SETBP1: variants seen among roughly 807,000 people sequenced by gnomAD.
The protein encoded by SETBP1 is SET-binding protein.
Under a neutral mutation model 101.0 loss-of-function variants are expected in SETBP1, and 9 were observed. The observed-to-expected ratio is 0.09, with a 90% CI of 0.05 to 0.16. The LOEUF (loss-of-function observed/expected upper bound fraction) is 0.16, where lower values mean the gene tolerates loss of function less well. Ranked by LOEUF, SETBP1 falls within the 10% of genes least tolerant of loss-of-function variation. The probability of loss-of-function intolerance (pLI) is 1.00; values close to 1 mark genes in which losing one functional copy is unlikely to be tolerated. For synonymous variants in SETBP1, 818 were observed against 788.5 expected (o/e 1.04, Z -0.63); for missense variants, 1,858 against 2,033.8 (o/e 0.91, Z 1.66).
At chr18:44,826,667 G>C (rs558007050) in intron 2 of SETBP1, among the ~76,000 whole-genome samples, 1 of 152,072 alleles carries the variant, frequency 6.6e-6, no homozygotes. Flanking sequence ...TGAAGGGAGC[G>C]TTCTTGGACA....
At chr18:44,772,837 G>A (rs908115136) in intron 2 of SETBP1, among the ~76,000 whole-genome samples, 12 of 152,184 alleles carry the variant, frequency 7.9e-5, no homozygotes, top group Non-Finnish European at 1.5e-4. Flanking sequence ...CCCTGGCAGA[G>A]TGTAGACCCT....
chr18:44,889,932 G>A (rs898514047), intron 3 of SETBP1, among the ~76,000 whole-genome samples: 6 of 152,028 alleles, frequency 3.9e-5, no homozygotes, highest in African/African-American at 1.4e-4. Flanking sequence ...AATTCAGTCA[G>A]CATTTTTGTT....
chr18:44,963,889 G>A (rs2071664163), intron 4 of SETBP1, among the ~76,000 whole-genome samples: 1 of 69,264 alleles, frequency 1.4e-5, no homozygotes, highest in Admixed American at 2.5e-4. Context: ...AACAGAGCAA[G>A]ACCCCATCTC....
chr18:44,998,544 C>T lies in SETBP1; in HGVS notation c.4001-39941C>T, dbSNP rs570902665. Among the ~76,000 whole-genome samples the T allele has an allele frequency of 1.7e-4, 26 of 152,336 alleles. No homozygotes were observed. The South Asian group carries it at 5.0e-3, about 29-fold the overall frequency. On this transcript the variant is annotated intron_variant, in intron 4 of 5. Coordinates refer to ENST00000649279, the MANE Select transcript of SETBP1 (RefSeq NM_015559.3). ...TATTGGCTGTATTCACAGCTTCCAG[C>T]GCTGATCTCAACGACTGCCGTTCCT...
At chr18:45,015,250 C>G (rs185361310) in intron 4 of SETBP1, among the ~76,000 whole-genome samples, 200 of 152,322 alleles carry the variant, frequency 1.3e-3, no homozygotes, top group African/African-American at 4.6e-3. Flanking sequence ...TTTCCACTCT[C>G]TACTCTAGGG....
intron 4 of SETBP1, among the ~76,000 whole-genome samples, chr18:44,963,800 C>T (rs181001434): frequency 2.9e-4 from 41 of 142,584 alleles, no homozygotes; most frequent in Admixed American, 2.6e-3. Context: ...TGAGGTGGGA[C>T]GACTGCTTGA....
At position 45,063,300 on chromosome 18, in the gene SETBP1, G is replaced by T. The variant is rs766119511; in HGVS notation, c.4393G>T (p.Asp1465Tyr). The change falls in exon 6 of 6, where the codon GAT becomes TAT. Residue 1465 changes from aspartate (D) to tyrosine (Y), a missense_variant. Asp to Tyr is a radical substitution (Grantham distance 160). Transcript: ENST00000649279. ...GRPRKQPTQF[D>Y]EDSRDQMPVL... The stretch of plus-strand genomic sequence containing the variant: ...TCCCAGGAAGCAGCCCACCCAGTTC[G>T]ATGAGGACTCCAGAGACCAAATGCC... 2.5e-6 allele frequency: 4 copies of T among 1,606,348 alleles called. No individual in the cohort carries two copies. In the East Asian group the frequency reaches 6.8e-5, roughly 27 times the overall value.
At chr18:44,733,833 C>A (rs937061220) in intron 2 of SETBP1, among the ~76,000 whole-genome samples, 25 of 152,120 alleles carry the variant, frequency 1.6e-4, no homozygotes, top group African/African-American at 5.8e-4. Context: ...TAGCAGGTCT[C>A]CCCTTCTGTT....
At chr18:44,885,854 A>C (rs1283693030) in intron 3 of SETBP1, among the ~76,000 whole-genome samples, 2 of 41,382 alleles carry the variant, frequency 4.8e-5, no homozygotes, top group Non-Finnish European at 1.0e-4. Context: ...AAAAAAAAAA[A>C]AACAAAAAAA....
intron 2 of SETBP1, among the ~76,000 whole-genome samples, chr18:44,705,546 G>T (rs1310870559): frequency 3.3e-5 from 5 of 152,182 alleles, no homozygotes; most frequent in African/African-American, 1.2e-4. Flanking sequence ...TTTTGTTGTT[G>T]TTATTTAAGT....
chr18:44,970,636 C>T (rs888234702), intron 4 of SETBP1, among the ~76,000 whole-genome samples: 3 of 152,044 alleles, frequency 2.0e-5, no homozygotes, highest in Admixed American at 1.3e-4. Flanking sequence ...ACTGCAACCT[C>T]CACTTCCTGG....
At chr18:45,047,851 C>CAGAG (rs151021347) in intron 5 of SETBP1, among the ~76,000 whole-genome samples, 4 of 149,766 alleles carry the variant, frequency 2.7e-5, no homozygotes, top group Admixed American at 6.6e-5. Context: ...GTGACAAAGA[C>CAGAG]AGAGAGAGAG....
rs1307249820 is a variant in SETBP1 at position 44,950,697 on chromosome 18, T to C, written c.1357T>C (p.Ser453Pro). Residue 453 changes from serine (S) to proline (P), a missense_variant, in exon 4 of 6, where the codon TCC becomes CCC. Coordinates refer to ENST00000649279, the MANE Select transcript of SETBP1 (RefSeq NM_015559.3). ...MSSEVVNRIL[S>P]NSEGNKKDPR... ...CAGTGAAGTAGTTAACAGGATACTT[T>C]CCAACTCTGAGGGGAATAAGAAGGA... 8 of 1,614,030 alleles carry C rather than the reference T, an allele frequency of 5.0e-6. No individual in the cohort carries two copies. Among genetic ancestry groups the C allele is most frequent in the Non-Finnish European group, 6.8e-6 (8 of 1,180,030 alleles).
At chr18:44,869,697 T>G (rs1024351650) in intron 3 of SETBP1, 1 of 299,970 alleles carries the variant, frequency 3.3e-6, no homozygotes, top group Admixed American at 4.5e-5. Flanking sequence ...AGTCAAGGCC[T>G]GATAGCCAAG....
rs145190361 is a variant in SETBP1 at position 44,770,472 on chromosome 18, A to T, written c.486+68640A>T. Among the ~76,000 whole-genome samples the T allele has an allele frequency of 2.8e-3, 434 of 152,304 alleles. 4 individuals carry two copies. Among genetic ancestry groups the T allele is most frequent in the East Asian group, 0.022 (113 of 5,182 alleles). On this transcript the variant is annotated intron_variant, in intron 2 of 5. Transcript: ENST00000649279. Reference sequence around the variant, plus strand: ...TTTTATCTATTTTCACCTTTGATTTATCCTTTTAGTCTAGAATTTTGGTAT... The same window carrying T: ...TTTTATCTATTTTCACCTTTGATTTTTCCTTTTAGTCTAGAATTTTGGTAT...
At position 44,952,711 on chromosome 18, in the gene SETBP1, G is replaced by A. The variant is rs754226335; in HGVS notation, c.3371G>A (p.Gly1124Asp). Residue 1124 changes from glycine (G) to aspartate (D), a missense_variant, in exon 4 of 6, where the codon GGC (glycine) becomes GAC (aspartate). This residue lies in a region of SETBP1 where 417 missense variants were observed against 389.1 expected (regional missense o/e 1.07). Transcript: ENST00000649279. ...CACCTGCAGGGACCTGTTAGCATGG[G>A]CCTTGGTGACATGCAGCCTTCTCTG... is the stretch of plus-strand genomic sequence containing the variant. ...GVHLQGPVSM[G>D]LGDMQPSLNP... is the part of the protein sequence containing the mutation. The A allele has an allele frequency of 1.9e-6, 3 of 1,613,980 alleles. No individual in the cohort carries two copies. The Admixed American group carries it at 5.0e-5, about 27-fold the overall frequency.
intron 3 of SETBP1, among the ~76,000 whole-genome samples, chr18:44,918,897 A>C (rs2070511320): frequency 6.6e-6 from 1 of 152,224 alleles, no homozygotes; most frequent in Non-Finnish European, 1.5e-5. Context: ...CTTTCCCTGG[A>C]GCACTTTGCA....
intron 2 of SETBP1, among the ~76,000 whole-genome samples, chr18:44,834,014 G>A (rs1370149360): frequency 1.3e-5 from 2 of 152,188 alleles, no homozygotes; most frequent in Non-Finnish European, 1.5e-5. Flanking sequence ...TGAAAAGAAG[G>A]TTTGTGGAAG....
intron 2 of SETBP1, among the ~76,000 whole-genome samples, chr18:44,801,203 C>T (rs1029556417): frequency 6.6e-6 from 1 of 151,908 alleles, no homozygotes; most frequent in Non-Finnish European, 1.5e-5. Context: ...ATGGGTGCAG[C>T]ACACCAACAT....
Sources: allele counts gnomAD v4.1 joint callset (sites outside exome capture counted in the v4.1 genomes callset), GRCh38; gene constraint gnomAD v4.1.1; regional missense constraint gnomAD v4.1.1; transcripts MANE v1.5; gene names NCBI Gene and HGNC (gene_info 2026-07-23, HGNC 2026-07-21).